The following CDH2 variants were observed in gnomAD, a reference collection of about 807,000 sequenced individuals.
CDH2 encodes the protein cadherin-2.
CDH2 carries 17 observed loss-of-function variants against 92.0 expected under a neutral mutation model. The ratio of observed to expected loss-of-function variants is 0.18; its 90% confidence interval spans 0.13 to 0.28. The LOEUF is 0.28. Ranked by LOEUF, CDH2 falls within the 10% of genes least tolerant of loss-of-function variation. The probability of loss-of-function intolerance (pLI) is 1.00; values close to 1 mark genes in which losing one functional copy is unlikely to be tolerated. For synonymous variants in CDH2, 419 were observed against 415.9 expected (o/e 1.01, Z -0.09); for missense variants, 862 against 1,133.1 (o/e 0.76, Z 3.44).
downstream of CDH2, among the ~76,000 whole-genome samples, chr18:27,949,571 CAGTG>C (rs1428477684): frequency 6.6e-6 from 1 of 151,768 alleles, no homozygotes; most frequent in African/African-American, 2.4e-5. Context: ...AAGATACACT[CAGTG>C]AAAAAAGGCA....
At chr18:28,127,166 A>T (rs1242977564) in intron 2 of CDH2, among the ~76,000 whole-genome samples, 1 of 152,198 alleles carries the variant, frequency 6.6e-6, no homozygotes, top group Non-Finnish European at 1.5e-5. Flanking sequence ...AAAAATGATG[A>T]GTATTGTGTT....
At chr18:28,155,494 C>T (rs72886083) in intron 1 of CDH2, among the ~76,000 whole-genome samples, 1 of 151,874 alleles carries the variant, frequency 6.6e-6, no homozygotes, top group South Asian at 2.1e-4. Flanking sequence ...ATCAAGCCTG[C>T]AAAAAAACGG....
At chr18:28,154,086 C>T (rs548955476) in intron 1 of CDH2, among the ~76,000 whole-genome samples, 6 of 152,300 alleles carry the variant, frequency 3.9e-5, no homozygotes, top group South Asian at 4.1e-4. Flanking sequence ...CCTTTCTGAA[C>T]GTTCTCAAAA....
intron 1 of CDH2, among the ~76,000 whole-genome samples, chr18:28,171,217 A>G (rs2016459831): frequency 6.9e-6 from 1 of 144,462 alleles, no homozygotes; most frequent in Non-Finnish European, 1.5e-5. Flanking sequence ...ACAGAGCGAG[A>G]CTGTCTTTAA....
chr18:28,060,953 T>G (rs1012494461), intron 2 of CDH2, among the ~76,000 whole-genome samples: 1 of 152,226 alleles, frequency 6.6e-6, no homozygotes, highest in Non-Finnish European at 1.5e-5. Flanking sequence ...CAAATTCATT[T>G]TTTTACTTAA....
intron 2 of CDH2, among the ~76,000 whole-genome samples, chr18:28,133,617 T>C (rs1221726675): frequency 1.3e-5 from 2 of 149,132 alleles, no homozygotes; most frequent in Non-Finnish European, 3.0e-5. Context: ...ACTTGGCATA[T>C]ATAAGTTGCT....
intron 2 of CDH2, among the ~76,000 whole-genome samples, chr18:28,061,461 G>A (rs961510026): frequency 6.6e-6 from 1 of 152,028 alleles, no homozygotes; most frequent in South Asian, 2.1e-4. Flanking sequence ...TAGCCAACAC[G>A]ATGAAACCCC....
intron 2 of CDH2, among the ~76,000 whole-genome samples, chr18:28,038,156 G>T (rs536373599): frequency 6.6e-6 from 1 of 152,100 alleles, no homozygotes; most frequent in Non-Finnish European, 1.5e-5. Flanking sequence ...GGGTGCAGTG[G>T]CTCAGACCTA....
At chr18:28,028,810 C>G (rs1377459066) in intron 2 of CDH2, among the ~76,000 whole-genome samples, 2 of 152,074 alleles carry the variant, frequency 1.3e-5, no homozygotes, top group Non-Finnish European at 2.9e-5. Context: ...CATTGGCAAC[C>G]TGATGTGTAT....
intron 1 of CDH2, among the ~76,000 whole-genome samples, chr18:28,160,534 C>T (rs1312678463): frequency 6.6e-6 from 1 of 152,192 alleles, no homozygotes; most frequent in Admixed American, 6.5e-5. Flanking sequence ...CGACCACTGG[C>T]TCAAGGGTCA....
chr18:28,088,011 A>G (rs2014967385), intron 2 of CDH2, among the ~76,000 whole-genome samples: 1 of 152,170 alleles, frequency 6.6e-6, no homozygotes, highest in Non-Finnish European at 1.5e-5. Flanking sequence ...CTCAATAGAT[A>G]CACTTGATTT....
intron 2 of CDH2, among the ~76,000 whole-genome samples, chr18:28,121,623 T>G (rs905694043): frequency 6.6e-6 from 1 of 152,100 alleles, no homozygotes; most frequent in Non-Finnish European, 1.5e-5. Flanking sequence ...CAATTCAAAT[T>G]CTTTATCACT....
intron 6 of CDH2, among the ~76,000 whole-genome samples, chr18:27,939,118 C>T (rs1351422107): frequency 6.6e-6 from 1 of 151,946 alleles, no homozygotes; most frequent in Non-Finnish European, 1.5e-5. Context: ...ATTTCCTGGG[C>T]TCCTTCCTCT....
chr18:28,004,727 A>G (rs768452257), intron 6 of CDH2, among the ~76,000 whole-genome samples: 28 of 152,144 alleles, frequency 1.8e-4, no homozygotes, highest in Non-Finnish European at 3.1e-4. Context: ...AATTTGCTTT[A>G]ATTTTACTGT....
intron 15 of CDH2, among the ~76,000 whole-genome samples, chr18:27,958,538 T>A (rs1567936696): frequency 6.7e-6 from 1 of 149,830 alleles, no homozygotes; most frequent in Non-Finnish European, 1.5e-5. Flanking sequence ...TATATACACA[T>A]ATATAAATAC....
intron 14 of CDH2, among the ~76,000 whole-genome samples, chr18:27,965,292 C>G (rs771295976): frequency 6.6e-6 from 1 of 152,218 alleles, no homozygotes; most frequent in Non-Finnish European, 1.5e-5. Flanking sequence ...TGAAGGCACT[C>G]ACATACATAC....
chr18:27,970,390 A>T (rs1030319599), intron 14 of CDH2, among the ~76,000 whole-genome samples: 1 of 152,220 alleles, frequency 6.6e-6, no homozygotes, highest in African/African-American at 2.4e-5. Flanking sequence ...TCTCAGCATG[A>T]CCTATTAATT....
At chr18:28,053,901 C>T (rs1222285476) in intron 2 of CDH2, among the ~76,000 whole-genome samples, 3 of 152,054 alleles carry the variant, frequency 2.0e-5, no homozygotes, top group East Asian at 3.9e-4. Flanking sequence ...TACGGGCTCC[C>T]GAGAATTTTA....
At chr18:28,103,595 G>A (rs943503204) in intron 2 of CDH2, among the ~76,000 whole-genome samples, 88 of 151,776 alleles carry the variant, frequency 5.8e-4, no homozygotes, top group African/African-American at 1.9e-3. Context: ...GTGGTTTGCT[G>A]CACCCATCAA....
Sources: allele counts gnomAD v4.1 joint callset (sites outside exome capture counted in the v4.1 genomes callset), GRCh38; gene constraint gnomAD v4.1.1; transcripts MANE v1.5; gene names NCBI Gene and HGNC (gene_info 2026-07-23, HGNC 2026-07-21).